The following NKAPD1 variants were observed in gnomAD, a reference collection of about 807,000 sequenced individuals.
NKAPD1 encodes uncharacterized protein NKAPD1.
In NKAPD1, 12 loss-of-function variants were observed where a neutral mutation model predicts 30.9. The observed-to-expected ratio is 0.39, with a 90% CI of 0.25 to 0.63. The LOEUF is 0.63. NKAPD1 is among the 20% of genes least tolerant of loss of function. The pLI is 0.51. For missense variants in NKAPD1, 311 were observed against 344.5 expected, an observed-to-expected ratio of 0.90 and a Z score of 0.77; for synonymous variants, 91 against 113.6, an observed-to-expected ratio of 0.80 and a Z score of 1.26.
chr11:112,082,574 C>T lies in NKAPD1; in HGVS notation c.484C>T (p.Gln162Ter), dbSNP rs1482155206. The T allele has an allele frequency of 1.9e-6, 3 of 1,612,014 alleles. No homozygotes were observed. Among genetic ancestry groups the T allele is most frequent in the Non-Finnish European group, 2.5e-6 (3 of 1,179,552 alleles). The part of the protein sequence containing the change: ...KKSKKSHKKK[Q>*]KKRSHKKQKK... ...GTCAAAGAAATCCCACAAAAAAAAG[C>T]AGAAAAAAAGGTCACACAAAAAACA... The change falls in exon 6 of 6, where the codon CAG becomes TAG. Residue 162 changes from glutamine (Q) to a stop codon, truncating the protein, a stop_gained. Coordinates refer to ENST00000393047, the MANE Select transcript of NKAPD1 (RefSeq NM_018195.4). LOFTEE classifies it high-confidence loss of function.
intron 1 of NKAPD1, 109 bp from the exon 2 acceptor site, chr11:112,075,458 C>G: frequency 1.3e-6 from 1 of 764,288 alleles, no homozygotes; most frequent in South Asian, 1.7e-5. Context: ...TCTCTGACTT[C>G]TAGTTCAGTG....
At chr11:112,079,356 G>A (rs1354702553) in intron 3 of NKAPD1, among the ~76,000 whole-genome samples, 1 of 152,030 alleles carries the variant, frequency 6.6e-6, no homozygotes, top group Non-Finnish European at 1.5e-5. Context: ...ATGTTGGCCA[G>A]GCTGGTCTTG....
intron 1 of NKAPD1, 122 bp from the exon 2 acceptor site, chr11:112,075,445 G>A: frequency 1.5e-6 from 1 of 688,124 alleles, no homozygotes; most frequent in Non-Finnish European, 2.4e-6. Flanking sequence ...CTATTCTTTA[G>A]AATCTCTGAC....
rs1468452166 is a variant in NKAPD1 at position 112,083,776 on chromosome 11, C to G, written c.*804C>G. On this transcript the variant is annotated 3_prime_UTR_variant, in exon 6 of 6. Coordinates refer to ENST00000393047, the MANE Select transcript of NKAPD1 (RefSeq NM_018195.4). ...AATAATCATGTTGTCTAATGGTACT[C>G]TGGATTCAGGGCAGCAACTGCCATT... 1 of 152,564 alleles carries G rather than the reference C, an allele frequency of 6.6e-6. No individual in the cohort carries two copies. The allele number at this position is 152,564 out of a possible 1,614,324, so 9.5% of individuals were successfully genotyped here.
chr11:112,082,363 A>C, intron 5 of NKAPD1, 102 bp from the exon 6 acceptor site: 1 of 1,042,606 alleles, frequency 9.6e-7, no homozygotes, highest in Non-Finnish European at 1.3e-6. Flanking sequence ...CTTATTTAAA[A>C]TTCAGATGTT....
Position 112,083,435 on chromosome 11 carries a change from C to G in NKAPD1, c.*463C>G, listed in dbSNP as rs1865507570. On this transcript the variant is annotated 3_prime_UTR_variant, in exon 6 of 6. Coordinates refer to ENST00000393047, the MANE Select transcript of NKAPD1 (RefSeq NM_018195.4). ...GGTGTCACAACTAACTTGTCTTTAG[C>G]CTTGGTGCTTTGATCCTTCTATATT... 1 of 153,434 alleles carries G rather than the reference C, an allele frequency of 6.5e-6. No individual in the cohort carries two copies. Among genetic ancestry groups the G allele is most frequent in the African/African-American group, 2.4e-5 (1 of 41,460 alleles). 9.5% of individuals were successfully genotyped at this position (153,434 alleles called of 1,614,324 possible).
At position 112,075,552 on chromosome 11, in the gene NKAPD1, G is replaced by T. The variant is rs758322565; in HGVS notation, c.-8-15G>T. ...CAGAAATTATTACTAAACGTTATTT[G>T]TTGATTCATTTCAGATTGAAGAATG... On this transcript the variant is annotated splice_polypyrimidine_tract_variant and intron_variant, in intron 1 of 5. Transcript: ENST00000393047. 1 of 1,568,648 alleles carries T rather than the reference G, an allele frequency of 6.4e-7. No homozygotes were observed. Among genetic ancestry groups the T allele is most frequent in the Non-Finnish European group, 8.7e-7 (1 of 1,143,962 alleles).
chr11:112,074,695 A>G lies in NKAPD1; in HGVS notation c.-230A>G. ...CCTCCGGCCTCAGTCCGGGAGAGAG[A>G]TCTGCCTGTCGGTCTGGGCTGGGGG... On this transcript the variant is annotated 5_prime_UTR_variant, in exon 1 of 6. Transcript: ENST00000393047. 1 of 391,532 alleles carries G rather than the reference A, an allele frequency of 2.6e-6. No homozygotes were observed. Among genetic ancestry groups the G allele is most frequent in the South Asian group, 1.4e-4 (1 of 6,936 alleles). The allele number at this position is 391,532 out of a possible 1,614,324, so 24.3% of individuals were successfully genotyped here.
chr11:112,082,391 C>T, intron 5 of NKAPD1, 74 bp from the exon 6 acceptor site: 1 of 1,276,170 alleles, frequency 7.8e-7, no homozygotes, highest in Non-Finnish European at 1.0e-6. Flanking sequence ...ATTTTTTAAT[C>T]TAGAATGCAA....
Position 112,083,078 on chromosome 11 carries a change from G to A in NKAPD1, c.*106G>A. 2 of 1,195,470 alleles carry A rather than the reference G, an allele frequency of 1.7e-6. No individual in the cohort carries two copies. Among genetic ancestry groups the A allele is most frequent in the Non-Finnish European group, 1.1e-6 (1 of 884,236 alleles). The allele number at this position is 1,195,470 out of a possible 1,614,324, so 74.1% of individuals were successfully genotyped here. On this transcript the variant is annotated 3_prime_UTR_variant, in exon 6 of 6. Coordinates refer to ENST00000393047, the MANE Select transcript of NKAPD1 (RefSeq NM_018195.4). ...CAGCACGGGGCCTGAGGTCAGAGCT[G>A]TCTTGTGCCATCTGTATGTTCTGAC...
At chr11:112,078,626 T>A (rs895032352) in intron 3 of NKAPD1, among the ~76,000 whole-genome samples, 2 of 152,258 alleles carry the variant, frequency 1.3e-5, no homozygotes, top group Admixed American at 6.5e-5. Flanking sequence ...TTGTGGTCAC[T>A]AAGCTGATCA....
At chr11:112,076,668 A>T (rs967476627) in intron 2 of NKAPD1, among the ~76,000 whole-genome samples, 2 of 152,216 alleles carry the variant, frequency 1.3e-5, no homozygotes, top group Non-Finnish European at 2.9e-5. Flanking sequence ...TTTCATTAAG[A>T]AAATCACATT....
chr11:112,083,030 T>C lies in NKAPD1; in HGVS notation c.*58T>C. The C allele has an allele frequency of 1.3e-6, 2 of 1,524,644 alleles. No homozygotes were observed. The highest frequency in any genetic ancestry group is 2.3e-5 in the East Asian group (1 of 44,316). 94.4% of individuals were successfully genotyped at this position (1,524,644 alleles called of 1,614,324 possible). A position where few individuals can be genotyped will look rare whatever the true frequency, so the allele number is the denominator to read the frequency against. On this transcript the variant is annotated 3_prime_UTR_variant, in exon 6 of 6. Transcript: ENST00000393047. ...GGATATTTACAGTTCTTACTCCTTGTGGTTTTGCCAGTGACTCTTGTTCAG... is the reference window on the plus strand; with the variant it reads ...GGATATTTACAGTTCTTACTCCTTGCGGTTTTGCCAGTGACTCTTGTTCAG...
Position 112,074,673 on chromosome 11 carries a change from C to G in NKAPD1, c.-252C>G, listed in dbSNP as rs1865271421. On this transcript the variant is annotated 5_prime_UTR_variant, in exon 1 of 6. Transcript: ENST00000393047. ...TCCGAATTCCGCCCCGGCTCAGCCT[C>G]CGGCCTCAGTCCGGGAGAGAGATCT... 7.6e-6 allele frequency: 3 copies of G among 395,182 alleles called. No homozygotes were observed. Among genetic ancestry groups the G allele is most frequent in the South Asian group, 2.9e-4 (2 of 7,000 alleles). The allele number at this position is 395,182 out of a possible 1,614,324, so 24.5% of individuals were successfully genotyped here. A position where few individuals can be genotyped will look rare whatever the true frequency, so the allele number is the denominator to read the frequency against.
intron 2 of NKAPD1, among the ~76,000 whole-genome samples, chr11:112,076,735 G>T (rs1865338626): frequency 6.6e-6 from 1 of 152,202 alleles, no homozygotes; most frequent in Non-Finnish European, 1.5e-5. Flanking sequence ...GGTGGCAGAG[G>T]TGGAAGAAAA....
rs1296206672 is a variant in NKAPD1 at position 112,085,081 on chromosome 11, C to T, written c.*2109C>T. ...TAAAAGAAGAGTTGGAGAATTCACA[C>T]TTATTGAGTAACTGATGTCATACAA... is the stretch of plus-strand genomic sequence containing the variant. On this transcript the variant is annotated 3_prime_UTR_variant, in exon 6 of 6. Coordinates refer to ENST00000393047, the MANE Select transcript of NKAPD1 (RefSeq NM_018195.4). 1 of 426,064 alleles carries T rather than the reference C, an allele frequency of 2.3e-6. No individual in the cohort carries two copies. Among genetic ancestry groups the T allele is most frequent in the Non-Finnish European group, 4.2e-6 (1 of 238,914 alleles). The allele number at this position is 426,064 out of a possible 1,614,324, so 26.4% of individuals were successfully genotyped here.
At chr11:112,081,941 A>G in intron 4 of NKAPD1, 41 bp from the exon 5 acceptor site, 1 of 1,551,350 alleles carries the variant, frequency 6.4e-7, no homozygotes, top group Non-Finnish European at 8.9e-7. Flanking sequence ...CCAAAAATGT[A>G]TGCATTGCTT....
intron 4 of NKAPD1, chr11:112,081,200 C>T (rs1447624067): frequency 6.6e-6 from 1 of 152,420 alleles, no homozygotes; most frequent in African/African-American, 2.4e-5. Context: ...TGGCATGCGC[C>T]TGTAGTCCCA....
intron 2 of NKAPD1, 22 bp downstream of exon 2, chr11:112,075,665 C>T (rs914867259): frequency 1.2e-6 from 2 of 1,602,402 alleles, no homozygotes; most frequent in Non-Finnish European, 1.7e-6. Flanking sequence ...AACCTAGTTA[C>T]TCCTCAACGC....
Sources: gnomAD v4.1 joint callset for allele counts (sites outside exome capture counted in the v4.1 genomes callset) on GRCh38, gnomAD v4.1.1 for gene constraint, MANE v1.5 for transcripts, NCBI Gene and HGNC (gene_info 2026-07-23, HGNC 2026-07-21) for gene names.